CRACR2A: variants seen among roughly 807,000 people sequenced by gnomAD.
CRACR2A encodes the protein EF-hand calcium-binding domain-containing protein 4B.
CRACR2A carries 79 observed loss-of-function variants against 90.5 expected under a neutral mutation model. The observed-to-expected ratio is 0.87, with a 90% CI of 0.73 to 1.05. The LOEUF is 1.05. Among genes scored for constraint, CRACR2A ranks in the 50% least tolerant of loss-of-function variants. The probability of loss-of-function intolerance (pLI) is 0.00; values close to 1 mark genes in which losing one functional copy is unlikely to be tolerated. For missense variants in CRACR2A, 823 were observed against 897.2 expected, an observed-to-expected ratio of 0.92 and a Z score of 1.06; for synonymous variants, 338 against 356.7, an observed-to-expected ratio of 0.95 and a Z score of 0.59.
chr12:3,709,848 T>C (rs1271444579), intron 3 of CRACR2A, among the ~76,000 whole-genome samples: 1 of 152,238 alleles, frequency 6.6e-6, no homozygotes, highest in African/African-American at 2.4e-5. Context: ...GATTCTTACT[T>C]GCAGAATTGT....
intron 10 of CRACR2A, among the ~76,000 whole-genome samples, chr12:3,650,371 G>A (rs935134169): frequency 6.6e-6 from 1 of 152,204 alleles, no homozygotes; most frequent in Admixed American, 6.5e-5. Context: ...CAGGCTGAAT[G>A]AAATTCTAAG....
At position 3,680,265 on chromosome 12, in the gene CRACR2A, T is replaced by A; in HGVS notation, c.313A>T (p.Thr105Ser). Residue 105 changes from threonine to serine, a missense_variant, in exon 5 of 20, where the codon ACC becomes TCC. Thr to Ser is a moderately conservative substitution (Grantham distance 58). Coordinates refer to ENST00000440314, the MANE Select transcript of CRACR2A (RefSeq NM_001144958.2). Reference sequence around the variant, plus strand: ...AATCCAGTAGTGAACTCCTGTGGGGTCAGATAGCCATTGCCATCAGCATCC... The same window carrying A: ...AATCCAGTAGTGAACTCCTGTGGGGACAGATAGCCATTGCCATCAGCATCC... ...ALDADGNGYL[T>S]PQEFTTGFSH... The A allele has an allele frequency of 6.2e-7, 1 of 1,614,154 alleles. No individual in the cohort carries two copies. Among genetic ancestry groups the A allele is most frequent in the Non-Finnish European group, 8.5e-7 (1 of 1,179,992 alleles).
At chr12:3,640,249 A>C (rs1396707911) in intron 13 of CRACR2A, 1 of 165,120 alleles carries the variant, frequency 6.1e-6, no homozygotes, top group Non-Finnish European at 1.3e-5. Flanking sequence ...CAGGGCTCAC[A>C]ATTTGTTGCT....
chr12:3,638,223 AG>A lies in CRACR2A; in HGVS notation c.1502del (p.Ser501LeufsTer15). ...GGATTTGTCCCTGTACCCCCTGGTCAGAGACCTCTTCCTCTTCTGAGCATTT... is the reference window on the plus strand; with the variant it reads ...GGATTTGTCCCTGTACCCCCTGGTCAAGACCTCTTCCTCTTCTGAGCATTT... ...LSKCSEEEEVSDQGVQGQIPE... is the reference protein window; with the variant it reads ...LSKCSEEEEVXDQGVQGQIPE... On this transcript the variant is annotated frameshift_variant, in exon 14 of 20. Transcript: ENST00000440314. LOFTEE classifies it high-confidence loss of function. 5 of 1,551,688 alleles carry A rather than the reference AG, an allele frequency of 3.2e-6. No homozygotes were observed. The highest frequency in any genetic ancestry group is 4.4e-6 in the Non-Finnish European group (5 of 1,146,986).
At chr12:3,645,304 G>A (rs1944663238) in intron 11 of CRACR2A, among the ~76,000 whole-genome samples, 1 of 152,168 alleles carries the variant, frequency 6.6e-6, no homozygotes, top group African/African-American at 2.4e-5. Flanking sequence ...CCAGGCAGAG[G>A]AGAGGCTAGG....
At chr12:3,646,201 G>A (rs934613752) in intron 11 of CRACR2A, among the ~76,000 whole-genome samples, 2 of 152,246 alleles carry the variant, frequency 1.3e-5, no homozygotes, top group African/African-American at 4.8e-5. Context: ...CAGCGCGACT[G>A]CAGAATGCAC....
rs185585133 is a variant in CRACR2A, at chr12:3,725,184, G to A, written c.-118+7758C>T. Among the ~76,000 whole-genome samples, 19 of 152,146 alleles carry A rather than the reference G, an allele frequency of 1.2e-4. No homozygotes were observed. The East Asian group carries it at 1.5e-3, about 12-fold the overall frequency. On this transcript the variant is annotated intron_variant, in intron 2 of 19. Transcript: ENST00000440314. ...CCATCTCACCAAATCTCCTCCACCCGTTAGGCAGGGTTTTAATCTATAAGG... is the reference window on the plus strand; with the variant it reads ...CCATCTCACCAAATCTCCTCCACCCATTAGGCAGGGTTTTAATCTATAAGG...
chr12:3,659,176 C>T (rs10491971), intron 8 of CRACR2A, among the ~76,000 whole-genome samples: 13,246 of 152,218 alleles, frequency 0.087, 796 homozygotes, highest in Non-Finnish European at 0.13. Flanking sequence ...ATGTCAGATC[C>T]AATTTAACAG....
intron 10 of CRACR2A, among the ~76,000 whole-genome samples, chr12:3,650,086 C>G (rs191869624): frequency 6.6e-6 from 1 of 152,198 alleles, no homozygotes; most frequent in African/African-American, 2.4e-5. Flanking sequence ...CGTTTCCAAA[C>G]TGCAGCACAG....
At chr12:3,744,233 A>T (rs1049237824) in intron 1 of CRACR2A, among the ~76,000 whole-genome samples, 1 of 152,234 alleles carries the variant, frequency 6.6e-6, no homozygotes, top group African/African-American at 2.4e-5. Flanking sequence ...TTAATTTAAC[A>T]GTTTGGTAAA....
At chr12:3,640,461 C>T in intron 13 of CRACR2A, 2 of 1,148,698 alleles carry the variant, frequency 1.7e-6, no homozygotes, top group Non-Finnish European at 2.2e-6. Context: ...GGAGGCTTTA[C>T]AGAACTCAAA....
At chr12:3,667,845 A>G (rs1358733755) in intron 7 of CRACR2A, among the ~76,000 whole-genome samples, 1 of 152,244 alleles carries the variant, frequency 6.6e-6, no homozygotes, top group Non-Finnish European at 1.5e-5. Context: ...ACGTGGGCGC[A>G]TGCACGTGCA....
chr12:3,717,386 G>A (rs1349335327), intron 2 of CRACR2A, among the ~76,000 whole-genome samples: 2 of 152,148 alleles, frequency 1.3e-5, no homozygotes, highest in East Asian at 1.9e-4. Context: ...TGGGCAAGCC[G>A]GCAAATGCTT....
intron 2 of CRACR2A, chr12:3,729,910 T>G (rs1281808021): frequency 1.3e-5 from 2 of 152,192 alleles, no homozygotes; most frequent in Non-Finnish European, 2.9e-5. Flanking sequence ...AGAGAATCCA[T>G]GTAATGGAGC....
At chr12:3,637,430 T>G (rs545838517) in intron 14 of CRACR2A, among the ~76,000 whole-genome samples, 2 of 152,318 alleles carry the variant, frequency 1.3e-5, no homozygotes, top group South Asian at 4.1e-4. Context: ...TGGGATGTGA[T>G]GAGGTTTCTC....
chr12:3,687,650 A>G (rs1394203793), intron 4 of CRACR2A, among the ~76,000 whole-genome samples: 1 of 152,202 alleles, frequency 6.6e-6, no homozygotes, highest in Non-Finnish European at 1.5e-5. Context: ...TGGTGCTACA[A>G]TGGACACATA....
At chr12:3,621,319 C>T (rs1231265032) in intron 17 of CRACR2A, among the ~76,000 whole-genome samples, 5 of 151,752 alleles carry the variant, frequency 3.3e-5, no homozygotes, top group African/African-American at 7.3e-5. Context: ...GGGTCATAAG[C>T]CCAACATCTG....
At chr12:3,681,576 C>A (rs1265221459) in intron 4 of CRACR2A, among the ~76,000 whole-genome samples, 1 of 152,210 alleles carries the variant, frequency 6.6e-6, no homozygotes, top group Non-Finnish European at 1.5e-5. Context: ...GAGAACTCCC[C>A]AGAGAGTTAT....
chr12:3,620,069 A>G (rs1216075731), intron 17 of CRACR2A, among the ~76,000 whole-genome samples: 8 of 152,236 alleles, frequency 5.3e-5, no homozygotes, highest in Admixed American at 4.6e-4. Flanking sequence ...TCACAGGTTT[A>G]TTCAAGGTAT....
Sources: gnomAD v4.1 joint callset for allele counts (sites outside exome capture counted in the v4.1 genomes callset) on GRCh38, gnomAD v4.1.1 for gene constraint, MANE v1.5 for transcripts, NCBI Gene and HGNC (gene_info 2026-07-23, HGNC 2026-07-21) for gene names.